NLRP5: variants seen among roughly 807,000 people sequenced by gnomAD.
NLRP5 encodes the protein NACHT, LRR and PYD domains-containing protein 5.
A neutral mutation model predicts 113.1 loss-of-function variants in NLRP5; 93 were observed. That is an observed-to-expected ratio of 0.82 (90% CI 0.70 to 0.98). NLRP5 has a LOEUF of 0.98. Among genes scored for constraint, NLRP5 ranks in the 50% least tolerant of loss-of-function variants. The probability of loss-of-function intolerance (pLI) is 0.00; values close to 1 mark genes in which losing one functional copy is unlikely to be tolerated. For synonymous variants in NLRP5, 751 were observed against 600.7 expected (o/e 1.25, Z -3.66); for missense variants, 1,808 against 1,514.3 (o/e 1.19, Z -3.22).
chr19:56,020,491 T>C (rs1439105290), intron 6 of NLRP5, 60 bp downstream of exon 6: 21 of 1,532,280 alleles, frequency 1.4e-5, no homozygotes, highest in Non-Finnish European at 1.8e-5. Flanking sequence ...GTGAAAGAAG[T>C]GTAAGTAGTT....
In NLRP5 at chr19:56,026,917, TG is replaced by T; in HGVS notation, c.686del (p.Gly229GlufsTer11). 6.4e-7 allele frequency: 1 copy of T among 1,550,418 alleles called. No individual in the cohort carries two copies. Among genetic ancestry groups the T allele is most frequent in the Non-Finnish European group, 8.7e-7 (1 of 1,146,030 alleles). ...TTCTACCCTCTCTGACTCCAGGACA[TG>T]GAGGTGACACATGGGACTACAAGAG... On this transcript the variant is annotated frameshift_variant, in exon 7 of 15. Coordinates refer to ENST00000390649, the MANE Select transcript of NLRP5 (RefSeq NM_153447.4). LOFTEE classifies it high-confidence loss of function.
At chr19:56,001,041 G>A (rs946846800) in intron 1 of NLRP5, among the ~76,000 whole-genome samples, 1 of 151,844 alleles carries the variant, frequency 6.6e-6, no homozygotes. Flanking sequence ...TTCAAATTTG[G>A]CTGGGCGCAG....
At chr19:56,024,604 T>C (rs867505474) in intron 6 of NLRP5, among the ~76,000 whole-genome samples, 1 of 128,492 alleles carries the variant, frequency 7.8e-6, no homozygotes, top group Non-Finnish European at 1.7e-5. Flanking sequence ...CACACACACA[T>C]GAAATTAGCT....
At chr19:56,002,370 ATGT>A (rs1418872603) in intron 1 of NLRP5, among the ~76,000 whole-genome samples, 3 of 152,102 alleles carry the variant, frequency 2.0e-5, no homozygotes, top group Non-Finnish European at 4.4e-5. Context: ...ATGGAACCTG[ATGT>A]TAACAGGTGT....
chr19:55,989,819 C>T, the NLRP5 span, among the ~76,000 whole-genome samples: 48,188 of 152,070 alleles, frequency 0.32, 7,750 homozygotes, highest in South Asian at 0.35. Flanking sequence ...TGCTGTTTTA[C>T]ACACGGCTGG....
intron 4 of NLRP5, among the ~76,000 whole-genome samples, chr19:56,016,889 A>G (rs1261526536): frequency 1.3e-5 from 2 of 152,020 alleles, no homozygotes; most frequent in South Asian, 2.1e-4. Context: ...GCTCACTGCA[A>G]GCTCCGCCTC....
intron 2 of NLRP5, 26 bp from the exon 3 acceptor site, chr19:56,008,762 A>G (rs770440137): frequency 2.8e-5 from 44 of 1,587,410 alleles, no homozygotes; most frequent in Non-Finnish European, 1.7e-6. Context: ...CATTGAGGCC[A>G]GTCTCCCTTT....
intron 12 of NLRP5, among the ~76,000 whole-genome samples, chr19:56,050,876 T>C (rs944311189): frequency 3.3e-5 from 5 of 152,220 alleles, no homozygotes; most frequent in Non-Finnish European, 5.9e-5. Context: ...CATCTTCAGC[T>C]ATTTATCTGT....
chr19:56,023,126 C>CCT (rs1185547560), intron 6 of NLRP5, among the ~76,000 whole-genome samples: 2 of 152,136 alleles, frequency 1.3e-5, no homozygotes, highest in Non-Finnish European at 2.9e-5. Context: ...AAGAAGCCCT[C>CCT]ACGAAGGAGA....
chr19:56,061,311 C>G (rs1984344223), intron 14 of NLRP5, 85 bp from the exon 15 acceptor site: 1 of 1,485,084 alleles, frequency 6.7e-7, no homozygotes, highest in Non-Finnish European at 9.1e-7. Context: ...GTTTGAGATC[C>G]TTGATGAGGC....
At position 56,028,104 on chromosome 19, in the gene NLRP5, C is replaced by T. The variant is rs1599893344; in HGVS notation, c.1871C>T (p.Ala624Val). 4.3e-6 allele frequency: 7 copies of T among 1,614,020 alleles called. No homozygotes were observed. The highest frequency in any genetic ancestry group is 1.3e-5 in the African/African-American group (1 of 75,058). The change falls in exon 7 of 15, where the codon GCA (alanine) becomes GTA (valine). Residue 624 changes from alanine (A) to valine (V), a missense_variant. By Grantham distance (64) the Ala-to-Val change is moderately conservative (BLOSUM62 0). Coordinates refer to ENST00000390649, the MANE Select transcript of NLRP5 (RefSeq NM_153447.4). ...AAGAGGTCCATGGAGCTTAAACAGG[C>T]AGGCTTCCATATCCACTCGCTTTGG...
chr19:56,035,600 A>C (rs1466627219), intron 9 of NLRP5, among the ~76,000 whole-genome samples: 1 of 152,232 alleles, frequency 6.6e-6, no homozygotes, highest in Admixed American at 6.5e-5. Flanking sequence ...GAAGTCACTT[A>C]GGTCCAGTTT....
intron 9 of NLRP5, among the ~76,000 whole-genome samples, chr19:56,035,673 C>G (rs888805568): frequency 4.6e-5 from 7 of 152,190 alleles, no homozygotes; most frequent in Non-Finnish European, 1.0e-4. Context: ...TCTCATAACT[C>G]ACAGGGGCAG....
At chr19:56,000,516 C>T (rs1212012906) in intron 1 of NLRP5, among the ~76,000 whole-genome samples, 1 of 151,846 alleles carries the variant, frequency 6.6e-6, no homozygotes, top group East Asian at 2.0e-4. Flanking sequence ...AGGCGCCCGC[C>T]ACCACGCCCG....
At chr19:56,052,597 G>A (rs902629931) in intron 12 of NLRP5, among the ~76,000 whole-genome samples, 1 of 152,066 alleles carries the variant, frequency 6.6e-6, no homozygotes, top group African/African-American at 2.4e-5. Flanking sequence ...TTCACCCGAT[G>A]GCTCCTGAGG....
At chr19:56,002,929 T>C (rs1981712182) in intron 1 of NLRP5, among the ~76,000 whole-genome samples, 1 of 152,102 alleles carries the variant, frequency 6.6e-6, no homozygotes, top group Non-Finnish European at 1.5e-5. Context: ...TAAACTAGAA[T>C]GGCGATCATT....
chr19:56,026,843 TG>T, intron 6 of NLRP5, 69 bp from the exon 7 acceptor site: 1 of 1,478,698 alleles, frequency 6.8e-7, no homozygotes, highest in South Asian at 1.4e-5. Flanking sequence ...CCCACAGTGC[TG>T]GGATGACAGG....
chr19:56,026,977 T>G lies in NLRP5; in HGVS notation c.744T>G (p.Asp248Glu), dbSNP rs200869474. The G allele has an allele frequency of 8.4e-6, 13 of 1,551,630 alleles. No individual in the cohort carries two copies. Among genetic ancestry groups the G allele is most frequent in the Middle Eastern group, 3.3e-4 (2 of 6,016 alleles). Residue 248 changes from aspartate (D) to glutamate (E), a missense_variant, in exon 7 of 15, where the codon GAT (aspartate) becomes GAG (glutamate). Asp to Glu is a conservative substitution (Grantham distance 45, BLOSUM62 2). Coordinates refer to ENST00000390649, the MANE Select transcript of NLRP5 (RefSeq NM_153447.4). ...TGACCAAATTCGCTGAGGAGGAGGA[T>G]GTACGTCGTAGTTTTGAAAACACTG... is the stretch of plus-strand genomic sequence containing the variant.
chr19:56,022,567 G>C (rs893520735), intron 6 of NLRP5, among the ~76,000 whole-genome samples: 1 of 152,008 alleles, frequency 6.6e-6, no homozygotes, highest in Non-Finnish European at 1.5e-5. Flanking sequence ...CCATATACCG[G>C]ATTGATGGGA....
Sources: allele counts gnomAD v4.1 joint callset (sites outside exome capture counted in the v4.1 genomes callset), GRCh38; gene constraint gnomAD v4.1.1; transcripts MANE v1.5; gene names NCBI Gene and HGNC (gene_info 2026-07-23, HGNC 2026-07-21).